The following RPS6KA2 variants were observed in gnomAD, a reference collection of about 807,000 sequenced individuals.
The protein encoded by RPS6KA2 is ribosomal protein S6 kinase alpha-2.
A neutral mutation model predicts 91.8 loss-of-function variants in RPS6KA2; 42 were observed. The observed-to-expected ratio is 0.46, with a 90% CI of 0.36 to 0.59. The LOEUF (loss-of-function observed/expected upper bound fraction) is 0.59, where lower values mean the gene tolerates loss of function less well. RPS6KA2 is among the 20% of genes least tolerant of loss of function. The pLI, the probability that RPS6KA2 is intolerant of heterozygous loss-of-function variation, is 0.00. For synonymous variants in RPS6KA2, 414 were observed against 393.6 expected (o/e 1.05, Z -0.61); for missense variants, 798 against 978.5 (o/e 0.82, Z 2.46).
intron 3 of RPS6KA2, among the ~76,000 whole-genome samples, chr6:166,517,849 A>T (rs1303340449): frequency 6.6e-6 from 1 of 152,208 alleles, no homozygotes; most frequent in Non-Finnish European, 1.5e-5. Flanking sequence ...TGCTGCAGAT[A>T]ACTAGCCAGT....
chr6:166,436,752 C>T (rs1023293097), intron 14 of RPS6KA2, among the ~76,000 whole-genome samples: 1 of 152,192 alleles, frequency 6.6e-6, no homozygotes, highest in Non-Finnish European at 1.5e-5. Context: ...AATGGCGCTC[C>T]CCGTCCTGGA....
At chr6:166,745,771 G>C (rs1357379814) in intron 2 of RPS6KA2, among the ~76,000 whole-genome samples, 1 of 152,212 alleles carries the variant, frequency 6.6e-6, no homozygotes, top group Non-Finnish European at 1.5e-5. Flanking sequence ...GGGTGTGTGA[G>C]GCTGAGGAGA....
At chr6:166,615,593 G>A (rs1279826835) in intron 1 of RPS6KA2, among the ~76,000 whole-genome samples, 4 of 152,264 alleles carry the variant, frequency 2.6e-5, no homozygotes, top group South Asian at 2.1e-4. Flanking sequence ...ACAAACCTGC[G>A]GCGCACAGGC....
intron 2 of RPS6KA2, among the ~76,000 whole-genome samples, chr6:166,684,619 G>A (rs1788950006): frequency 6.6e-6 from 1 of 152,290 alleles, no homozygotes; most frequent in Admixed American, 6.5e-5. Context: ...CTCACCGGGT[G>A]CAGTCATCCT....
At chr6:166,743,849 GC>G (rs1212590399) in intron 2 of RPS6KA2, among the ~76,000 whole-genome samples, 2 of 151,742 alleles carry the variant, frequency 1.3e-5, no homozygotes, top group East Asian at 1.9e-4. Context: ...CAGGGCTTTG[GC>G]TGGTGGTCAG....
intron 2 of RPS6KA2, among the ~76,000 whole-genome samples, chr6:166,689,888 C>T (rs983734728): frequency 2.0e-5 from 3 of 152,208 alleles, no homozygotes; most frequent in African/African-American, 4.8e-5. Context: ...TTTTAATATT[C>T]GGCCCTCAGG....
intron 3 of RPS6KA2, among the ~76,000 whole-genome samples, chr6:166,526,567 C>G (rs1249256912): frequency 6.6e-6 from 1 of 151,938 alleles, no homozygotes; most frequent in African/African-American, 2.4e-5. Flanking sequence ...TTGCCTAAGT[C>G]TCGAACTCCT....
At chr6:166,468,680 G>T (rs184317668) in intron 11 of RPS6KA2, among the ~76,000 whole-genome samples, 10 of 151,922 alleles carry the variant, frequency 6.6e-5, no homozygotes, top group African/African-American at 2.4e-4. Context: ...TGGCTAACAC[G>T]GTGAAACCCT....
chr6:166,742,850 C>T (rs1403055813), intron 2 of RPS6KA2, among the ~76,000 whole-genome samples: 1 of 152,188 alleles, frequency 6.6e-6, no homozygotes, highest in Admixed American at 6.5e-5. Context: ...CACTGAGAAG[C>T]CAGACACACA....
In RPS6KA2 at chr6:166,434,531, G is replaced by A. The variant is rs1403360868; in HGVS notation, c.1333-2041C>T. 6.6e-6 allele frequency among the ~76,000 whole-genome samples: 1 copy of A among 152,240 alleles called. No homozygotes were observed. The highest frequency in any genetic ancestry group is 1.5e-5 in the Non-Finnish European group (1 of 68,046). On this transcript the variant is annotated intron_variant, in intron 14 of 20. Transcript: ENST00000265678. The surrounding 1 kb of genome is among the most constrained non-coding windows in gnomAD (Gnocchi z 4.4). ...CTGCTTGTAGGGAAGCTGGCTGTCA[G>A]GTACCCAAACTCCTCTGCTCCTGTC...
intron 2 of RPS6KA2, among the ~76,000 whole-genome samples, chr6:166,734,522 T>C (rs535473204): frequency 9.8e-5 from 15 of 152,288 alleles, no homozygotes; most frequent in African/African-American, 3.1e-4. Context: ...CTGATATTGG[T>C]GAAGTAATTA....
At chr6:166,645,344 C>T (rs897087186) in intron 2 of RPS6KA2, among the ~76,000 whole-genome samples, 4 of 152,284 alleles carry the variant, frequency 2.6e-5, no homozygotes, top group Non-Finnish European at 2.9e-5. Flanking sequence ...AATTACCAGT[C>T]GTGTGGGGGA....
chr6:166,856,087 C>T (rs1321238716), intron 2 of RPS6KA2, among the ~76,000 whole-genome samples: 5 of 152,146 alleles, frequency 3.3e-5, no homozygotes, highest in African/African-American at 1.2e-4. Context: ...AAAAAATAAA[C>T]ACTGTTGATG....
chr6:166,482,235 G>A (rs1400264311), intron 10 of RPS6KA2, among the ~76,000 whole-genome samples: 3 of 152,226 alleles, frequency 2.0e-5, no homozygotes, highest in East Asian at 3.8e-4. Flanking sequence ...GAGAATGCAC[G>A]TGCATCTCTT....
Position 166,674,429 on chromosome 6 carries a change from G to C in RPS6KA2, c.124-135645C>G, listed in dbSNP as rs1017168555. ...CGTGGGACTGCTGCCCTGGGAGCAG[G>C]GAGAGGCAGCTCAGGGGTGGTCTGT... On this transcript the variant is annotated intron_variant, in intron 2 of 21. Coordinates refer to the RPS6KA2 transcript ENST00000503859. Among the ~76,000 whole-genome samples, 7 of 152,218 alleles carry C rather than the reference G, an allele frequency of 4.6e-5. No homozygotes were observed. In the East Asian group the frequency reaches 1.4e-3, roughly 29 times the overall value.
chr6:166,573,817 A>G (rs965645571), intron 1 of RPS6KA2, among the ~76,000 whole-genome samples: 1 of 152,236 alleles, frequency 6.6e-6, no homozygotes, highest in African/African-American at 2.4e-5. Flanking sequence ...GGAACTTCCC[A>G]GTTTTGAAAA....
intron 2 of RPS6KA2, among the ~76,000 whole-genome samples, chr6:166,745,486 T>C (rs1433259975): frequency 6.6e-6 from 1 of 152,164 alleles, no homozygotes; most frequent in Non-Finnish European, 1.5e-5. Context: ...ACCAGTCAGA[T>C]TGGACAAGGG....
At position 166,437,875 on chromosome 6, in the gene RPS6KA2, T is replaced by C. The variant is rs899826538; in HGVS notation, c.1333-5385A>G. Reference sequence around the variant, plus strand: ...CTTCACCGCTCTCGATACACCTTTCTGGTCTTTGCGTTTCTCTACCTTCCC... The same window carrying C: ...CTTCACCGCTCTCGATACACCTTTCCGGTCTTTGCGTTTCTCTACCTTCCC... On this transcript the variant is annotated intron_variant, in intron 14 of 20. Transcript: ENST00000265678. The surrounding 1 kb of genome is among the most constrained non-coding windows in gnomAD (Gnocchi z 4.3). Among the ~76,000 whole-genome samples, 2 of 152,186 alleles carry C rather than the reference T, an allele frequency of 1.3e-5. No individual in the cohort carries two copies. The highest frequency in any genetic ancestry group is 4.8e-5 in the African/African-American group (2 of 41,406).
rs549819923 is a variant in RPS6KA2, at chr6:166,770,990, G to A, written c.123+87210C>T. 238 of 1,278,874 alleles carry A rather than the reference G, an allele frequency of 1.9e-4. No homozygotes were observed. Among genetic ancestry groups the A allele is most frequent in the Non-Finnish European group, 2.5e-4 (228 of 904,336 alleles). The allele number at this position is 1,278,874 out of a possible 1,614,324, so 79.2% of individuals were successfully genotyped here. Reference sequence around the variant, plus strand: ...ACAGTCAGCAACTTCATTAGCAAGGGCATTACTACCATACTCACCAGGCCT... The same window carrying A: ...ACAGTCAGCAACTTCATTAGCAAGGACATTACTACCATACTCACCAGGCCT... On this transcript the variant is annotated intron_variant, in intron 2 of 21. Transcript: ENST00000503859. This position sits in a 1 kb window ranked among gnomAD's most constrained non-coding sequence, Gnocchi z 5.1.
Sources: gnomAD v4.1 joint callset for allele counts (sites outside exome capture counted in the v4.1 genomes callset) on GRCh38, gnomAD v4.1.1 for gene constraint, Gnocchi (gnomAD v3.1) non-coding constraint, MANE v1.5 for transcripts, NCBI Gene and HGNC (gene_info 2026-07-23, HGNC 2026-07-21) for gene names.